The following DPYD variants were observed in gnomAD, a reference collection of about 807,000 sequenced individuals.
DPYD encodes the protein dihydropyrimidine dehydrogenase [NADP(+)].
A neutral mutation model predicts 116.2 loss-of-function variants in DPYD; 109 were observed. The ratio of observed to expected loss-of-function variants is 0.94; its 90% CI spans 0.80 to 1.10. The LOEUF is 1.10. DPYD is among the 50% of genes least tolerant of loss of function. The pLI, the probability that DPYD is intolerant of heterozygous loss-of-function variation, is 0.00. For missense variants in DPYD, 1,302 were observed against 1,254.5 expected (o/e 1.04, Z -0.57); for synonymous variants, 440 against 432.0 (o/e 1.02, Z -0.23).
intron 4 of DPYD, among the ~76,000 whole-genome samples, chr1:97,724,299 GGGGGGGGGGTGTGT>G (rs1303810618): frequency 6.5e-5 from 1 of 15,376 alleles, no homozygotes; most frequent in African/African-American, 2.5e-4. Flanking sequence ...TATGTGGGGG[GGGGGGGGGGTGTGT>G]GTGTGTGTGT....
intron 14 of DPYD, among the ~76,000 whole-genome samples, chr1:97,425,550 T>C (rs958383128): frequency 3.3e-5 from 5 of 152,076 alleles, no homozygotes; most frequent in Non-Finnish European, 7.4e-5. Context: ...CAGCACTTCA[T>C]TACTCCAGAG....
At chr1:97,814,811 T>G (rs1668495752) in intron 3 of DPYD, among the ~76,000 whole-genome samples, 1 of 148,958 alleles carries the variant, frequency 6.7e-6, no homozygotes, top group South Asian at 2.1e-4. Context: ...GGCTGAGGCA[T>G]GAGAATTGCT....
intron 12 of DPYD, among the ~76,000 whole-genome samples, chr1:97,547,514 T>C (rs535794619): frequency 3.9e-5 from 6 of 151,926 alleles, no homozygotes; most frequent in Admixed American, 6.6e-5. Flanking sequence ...GTGTTCTTTT[T>C]CTTTCTTTCT....
chr1:97,380,062 TA>T (rs1332739050), intron 15 of DPYD, among the ~76,000 whole-genome samples: 3 of 152,216 alleles, frequency 2.0e-5, no homozygotes, highest in African/African-American at 7.2e-5. Flanking sequence ...TTTTTCACAT[TA>T]ACTTTTACTC....
At chr1:97,628,731 G>T (rs1031236988) in intron 8 of DPYD, among the ~76,000 whole-genome samples, 2 of 151,914 alleles carry the variant, frequency 1.3e-5, no homozygotes, top group African/African-American at 4.8e-5. Flanking sequence ...GTGGCTAGAA[G>T]AAAAATTCAG....
intron 20 of DPYD, among the ~76,000 whole-genome samples, chr1:97,149,434 G>A (rs1654860784): frequency 6.6e-6 from 1 of 152,014 alleles, no homozygotes; most frequent in African/African-American, 2.4e-5. Flanking sequence ...TGTATTTTTA[G>A]TAGAGACAGG....
chr1:97,908,852 A>G (rs776902317), intron 1 of DPYD, among the ~76,000 whole-genome samples: 2 of 152,040 alleles, frequency 1.3e-5, no homozygotes, highest in Non-Finnish European at 2.9e-5. Flanking sequence ...ATGATACACT[A>G]TTATGACTTC....
At chr1:97,406,688 C>T (rs969515383) in intron 14 of DPYD, among the ~76,000 whole-genome samples, 3 of 151,946 alleles carry the variant, frequency 2.0e-5, no homozygotes, top group Admixed American at 6.6e-5. Context: ...GATGGAGTGG[C>T]AACTTCCAAG....
chr1:97,133,134 T>A (rs181354535), intron 20 of DPYD, among the ~76,000 whole-genome samples: 52 of 152,138 alleles, frequency 3.4e-4, no homozygotes, highest in African/African-American at 9.4e-4. Context: ...AGATATTTTT[T>A]AAAAAAATTT....
chr1:97,776,489 A>G (rs1230002251), intron 3 of DPYD, among the ~76,000 whole-genome samples: 1 of 152,158 alleles, frequency 6.6e-6, no homozygotes, highest in Non-Finnish European at 1.5e-5. Flanking sequence ...GTATCATACA[A>G]CCTGCAAGTC....
chr1:97,583,430 T>G (rs753953805), intron 10 of DPYD, among the ~76,000 whole-genome samples: 14 of 152,116 alleles, frequency 9.2e-5, no homozygotes, highest in Non-Finnish European at 1.5e-4. Context: ...ATCTTAGGTT[T>G]TGATGGATTC....
intron 20 of DPYD, among the ~76,000 whole-genome samples, chr1:97,158,240 A>G (rs966274366): frequency 5.3e-5 from 8 of 151,980 alleles, no homozygotes; most frequent in African/African-American, 1.9e-4. Flanking sequence ...TGAATTCATT[A>G]CTCTGATTTA....
intron 16 of DPYD, among the ~76,000 whole-genome samples, chr1:97,317,459 A>C (rs1570501486): frequency 6.6e-6 from 1 of 152,114 alleles, no homozygotes; most frequent in Admixed American, 6.6e-5. Context: ...GATAAGGGCA[A>C]GTGTGTATGT....
At chr1:97,367,776 A>G (rs987756369) in intron 16 of DPYD, among the ~76,000 whole-genome samples, 1 of 152,170 alleles carries the variant, frequency 6.6e-6, no homozygotes, top group African/African-American at 2.4e-5. Flanking sequence ...CAATGAAGGC[A>G]CTCAAACCAC....
At chr1:97,363,181 A>T (rs1200041387) in intron 16 of DPYD, among the ~76,000 whole-genome samples, 2 of 152,214 alleles carry the variant, frequency 1.3e-5, no homozygotes, top group African/African-American at 4.8e-5. Flanking sequence ...ACACTTATGC[A>T]GCCACAGACA....
chr1:97,172,690 T>C (rs1656819043), intron 20 of DPYD, among the ~76,000 whole-genome samples: 1 of 152,174 alleles, frequency 6.6e-6, no homozygotes, highest in Non-Finnish European at 1.5e-5. Flanking sequence ...ATAGGATTTA[T>C]GCTAAATGAC....
chr1:97,773,144 G>A (rs1177671010), intron 3 of DPYD, among the ~76,000 whole-genome samples: 6 of 152,064 alleles, frequency 3.9e-5, no homozygotes, highest in Admixed American at 6.6e-5. Context: ...CCTATACCCC[G>A]CTAATTTTCA....
chr1:97,412,454 A>C (rs1405669591), intron 14 of DPYD, among the ~76,000 whole-genome samples: 1 of 152,194 alleles, frequency 6.6e-6, no homozygotes, highest in African/African-American at 2.4e-5. Context: ...TGAAACTTAC[A>C]AAACGAATAG....
intron 2 of DPYD, among the ~76,000 whole-genome samples, chr1:97,845,418 C>T (rs946357994): frequency 2.6e-5 from 4 of 152,216 alleles, no homozygotes; most frequent in African/African-American, 9.7e-5. Context: ...TTGGGACGAC[C>T]TGCCTACAGA....
Sources: allele counts gnomAD v4.1 joint callset (sites outside exome capture counted in the v4.1 genomes callset), GRCh38; gene constraint gnomAD v4.1.1; transcripts MANE v1.5; gene names NCBI Gene and HGNC (gene_info 2026-07-23, HGNC 2026-07-21).